Variants in THSD4 observed in about 807,000 individuals in gnomAD.
THSD4 encodes the protein thrombospondin type-1 domain-containing protein 4.
Under a neutral mutation model 119.0 loss-of-function variants are expected in THSD4, and 69 were observed. That is an observed-to-expected ratio of 0.58 (90% confidence interval 0.48 to 0.71). The LOEUF is 0.71. Among genes scored for constraint, THSD4 ranks in the 30% least tolerant of loss-of-function variants. The pLI is 0.00. For missense variants in THSD4, 1,393 were observed against 1,391.1 expected (o/e 1.00, Z -0.02); for synonymous variants, 524 against 540.4 (o/e 0.97, Z 0.42).
intron 6 of THSD4, among the ~76,000 whole-genome samples, chr15:71,277,128 CTTT>C (rs779207517): frequency 8.1e-6 from 1 of 123,016 alleles, no homozygotes; most frequent in Non-Finnish European, 1.6e-5. Context: ...TCTTCTTCTT[CTTT>C]TTTTTTTTTT....
At chr15:71,442,579 A>AAAAAAAAAATATAT (rs1195413080) in intron 7 of THSD4, among the ~76,000 whole-genome samples, 2 of 39,864 alleles carry the variant, frequency 5.0e-5, no homozygotes, top group African/African-American at 1.5e-4. Flanking sequence ...AAAAAAAAAA[A>AAAAAAAAAATATAT]ATATATATAT....
At chr15:71,668,289 A>G (rs2051455411) in intron 8 of THSD4, among the ~76,000 whole-genome samples, 1 of 152,234 alleles carries the variant, frequency 6.6e-6, no homozygotes, top group Non-Finnish European at 1.5e-5. Context: ...GAGTGGGGGC[A>G]TCAGTGAGCA....
intron 7 of THSD4, among the ~76,000 whole-genome samples, chr15:71,536,064 A>T (rs1468256169): frequency 6.6e-6 from 1 of 152,220 alleles, no homozygotes; most frequent in Non-Finnish European, 1.5e-5. Context: ...CTTAGCTCTT[A>T]TAGTCAGGTC....
In THSD4 at chr15:71,377,877, C is replaced by CACACACACACACACACACACACACAA. The variant is rs2046164129; in HGVS notation, c.1016-33785_1016-33784insAACACACACACACACACACACACACA. Among the ~76,000 whole-genome samples, 9 of 75,698 alleles carry CACACACACACACACACACACACACAA rather than the reference C, an allele frequency of 1.2e-4. No individual in the cohort carries two copies. In the South Asian group the frequency reaches 1.4e-3, roughly 11 times the overall value. 49.7% of individuals were successfully genotyped at this position (75,698 alleles called of 152,430 possible). Reference sequence around the variant, plus strand: ...CCCGGACATATCCACAACACACACACACACACACACACACACACACACACA... The same window carrying CACACACACACACACACACACACACAA: ...CCCGGACATATCCACAACACACACACACACACACACACACACACACACACAAACACACACACACACACACACACACA... On this transcript the variant is annotated intron_variant, in intron 6 of 17. Coordinates refer to ENST00000261862, the MANE Select transcript of THSD4 (RefSeq NM_024817.3).
At chr15:71,619,163 GGTTT>G (rs1448533828) in intron 7 of THSD4, among the ~76,000 whole-genome samples, 2 of 151,414 alleles carry the variant, frequency 1.3e-5, no homozygotes, top group East Asian at 3.9e-4. Context: ...GTGGAGATGG[GGTTT>G]CACCATGTTG....
intron 6 of THSD4, among the ~76,000 whole-genome samples, chr15:71,377,914 A>ACACACACACACACACACAC (rs57687864): frequency 1.4e-4 from 20 of 146,146 alleles, no homozygotes; most frequent in African/African-American, 4.5e-4. Context: ...ACACACACAC[A>ACACACACACACACACACAC]ATTTCCTTCA....
At chr15:71,451,173 C>G (rs1359766935) in intron 7 of THSD4, among the ~76,000 whole-genome samples, 1 of 152,022 alleles carries the variant, frequency 6.6e-6, no homozygotes, top group African/African-American at 2.4e-5. Context: ...GCAAGACTCC[C>G]TCTCAAAGAA....
intron 4 of THSD4, among the ~76,000 whole-genome samples, chr15:71,233,619 C>T (rs561678702): frequency 1.3e-5 from 2 of 152,302 alleles, no homozygotes; most frequent in African/African-American, 4.8e-5. Flanking sequence ...TTTTAAACAG[C>T]TTCATAGTAC....
intron 7 of THSD4, among the ~76,000 whole-genome samples, chr15:71,443,150 G>A (rs11854514): frequency 0.053 from 8,079 of 152,230 alleles, 278 homozygotes; most frequent in Middle Eastern, 0.078. Flanking sequence ...ATGAATGTTG[G>A]TTGAACTATT....
At chr15:71,451,391 C>T (rs1194950046) in intron 7 of THSD4, among the ~76,000 whole-genome samples, 1 of 152,196 alleles carries the variant, frequency 6.6e-6, no homozygotes, top group African/African-American at 2.4e-5. Flanking sequence ...AGTTAATCTT[C>T]CCATGTTGAG....
chr15:71,153,662 G>A (rs1229137732), intron 2 of THSD4, among the ~76,000 whole-genome samples: 1 of 152,146 alleles, frequency 6.6e-6, no homozygotes, highest in Non-Finnish European at 1.5e-5. Context: ...CCGGCTTCGG[G>A]CAGGTTTTCC....
chr15:71,430,770 A>AG (rs1251893443), intron 7 of THSD4, among the ~76,000 whole-genome samples: 3 of 144,512 alleles, frequency 2.1e-5, no homozygotes, highest in Non-Finnish European at 4.5e-5. Context: ...AAAAAAAAAA[A>AG]AAAAAAAAAA....
chr15:71,674,201 A>G (rs28633550), intron 8 of THSD4, among the ~76,000 whole-genome samples: 41,764 of 152,030 alleles, frequency 0.27, 6,561 homozygotes, highest in East Asian at 0.74. Flanking sequence ...TCTAAGTGGC[A>G]TTCCTCTGCT....
At chr15:71,108,361 G>A (rs993286822) in intron 1 of THSD4, among the ~76,000 whole-genome samples, 1 of 152,226 alleles carries the variant, frequency 6.6e-6, no homozygotes, top group Non-Finnish European at 1.5e-5. Context: ...ACAAGCCCAT[G>A]AGGGAAAACC....
intron 4 of THSD4, among the ~76,000 whole-genome samples, chr15:71,219,771 C>T (rs1254564992): frequency 6.6e-6 from 1 of 152,150 alleles, no homozygotes; most frequent in Non-Finnish European, 1.5e-5. Flanking sequence ...AACAATGAAA[C>T]CGAGGCTGGG....
At chr15:71,630,686 G>C (rs919047831) in intron 7 of THSD4, among the ~76,000 whole-genome samples, 6 of 152,162 alleles carry the variant, frequency 3.9e-5, no homozygotes. Context: ...GCTTCACAAA[G>C]ACTAAGGCCC....
chr15:71,570,762 T>C (rs2049335033), intron 7 of THSD4, among the ~76,000 whole-genome samples: 1 of 152,106 alleles, frequency 6.6e-6, no homozygotes, highest in Non-Finnish European at 1.5e-5. Flanking sequence ...GTTGGGCGAG[T>C]CCTTCTTCTC....
chr15:71,738,047 C>G (rs777956967), intron 11 of THSD4, 40 bp downstream of exon 11: 3 of 1,606,962 alleles, frequency 1.9e-6, no homozygotes, highest in Non-Finnish European at 2.6e-6. Flanking sequence ...CTGCAGAACC[C>G]TAAGCAAGGA....
At chr15:71,603,856 A>G (rs1169537165) in intron 7 of THSD4, among the ~76,000 whole-genome samples, 1 of 152,168 alleles carries the variant, frequency 6.6e-6, no homozygotes, top group Admixed American at 6.5e-5. Context: ...CTGAAGAGAG[A>G]GTGGTCAGAG....
Sources: gnomAD v4.1 joint callset for allele counts (sites outside exome capture counted in the v4.1 genomes callset) on GRCh38, gnomAD v4.1.1 for gene constraint, MANE v1.5 for transcripts, NCBI Gene and HGNC (gene_info 2026-07-23, HGNC 2026-07-21) for gene names.